NTRK3: variants seen among roughly 807,000 people sequenced by gnomAD.
NTRK3 encodes the protein neurotrophic receptor tyrosine kinase 3.
A neutral mutation model predicts 91.7 loss-of-function variants in NTRK3; 24 were observed. That is an observed-to-expected ratio of 0.26 (90% confidence interval 0.19 to 0.37). NTRK3 has a LOEUF of 0.37. Among genes scored for constraint, NTRK3 ranks in the 10% least tolerant of loss-of-function variants. The pLI is 1.00. For missense variants in NTRK3, 880 were observed against 1,068.9 expected (o/e 0.82, Z 2.46); for synonymous variants, 483 against 404.0 (o/e 1.20, Z -2.34).
intron 17 of NTRK3, among the ~76,000 whole-genome samples, chr15:87,920,324 A>G (rs1880145677): frequency 6.6e-6 from 1 of 152,206 alleles, no homozygotes; most frequent in Admixed American, 6.5e-5. Flanking sequence ...CTTAGCATTT[A>G]AGTTGTTTTT....
intron 13 of NTRK3, among the ~76,000 whole-genome samples, chr15:88,062,461 G>A (rs1257090258): frequency 6.6e-6 from 1 of 152,078 alleles, no homozygotes; most frequent in African/African-American, 2.4e-5. Context: ...GTAATTCCTA[G>A]GAAGTCTCCC....
intron 10 of NTRK3, 60 bp from the exon 11 acceptor site, chr15:88,128,794 T>A: frequency 6.9e-7 from 1 of 1,446,890 alleles, no homozygotes; most frequent in Non-Finnish European, 9.7e-7. Context: ...ACAGACACAC[T>A]ACTTGGTCCT....
At chr15:87,995,122 C>T (rs770058104) in intron 14 of NTRK3, among the ~76,000 whole-genome samples, 3 of 152,176 alleles carry the variant, frequency 2.0e-5, no homozygotes, top group Non-Finnish European at 4.4e-5. Context: ...GAACAAAAGT[C>T]CTGGAAATTC....
At chr15:88,128,658 A>G in intron 11 of NTRK3, 53 bp downstream of exon 11, 1 of 1,582,798 alleles carries the variant, frequency 6.3e-7, no homozygotes, top group Non-Finnish European at 8.7e-7. Context: ...TTCAATAGTT[A>G]CCGATAGTAT....
chr15:88,187,319 G>A (rs956303451), intron 3 of NTRK3, among the ~76,000 whole-genome samples: 8 of 152,100 alleles, frequency 5.3e-5, no homozygotes, highest in South Asian at 4.1e-4. Flanking sequence ...AGCAGGTTCC[G>A]AGGAAGAGCA....
intron 13 of NTRK3, among the ~76,000 whole-genome samples, chr15:88,109,934 C>T (rs1410469854): frequency 6.6e-6 from 1 of 152,164 alleles, no homozygotes; most frequent in Non-Finnish European, 1.5e-5. Context: ...TACTACACAG[C>T]TGGGGACTAA....
chr15:88,117,066 A>G (rs2052176885), intron 13 of NTRK3, among the ~76,000 whole-genome samples: 1 of 152,244 alleles, frequency 6.6e-6, no homozygotes, highest in Non-Finnish European at 1.5e-5. Flanking sequence ...CACCAGAGGA[A>G]GTAAAAAAGA....
intron 13 of NTRK3, among the ~76,000 whole-genome samples, chr15:88,069,817 C>G (rs1201173520): frequency 6.6e-6 from 1 of 152,180 alleles, no homozygotes; most frequent in East Asian, 1.9e-4. Flanking sequence ...GCTGAACTCA[C>G]AGAGGGAAGC....
At chr15:87,998,442 G>C (rs1056363339) in intron 14 of NTRK3, among the ~76,000 whole-genome samples, 1 of 152,220 alleles carries the variant, frequency 6.6e-6, no homozygotes, top group Admixed American at 6.5e-5. Context: ...ATGTGTTATG[G>C]GGCAGTGGCG....
intron 3 of NTRK3, among the ~76,000 whole-genome samples, chr15:88,230,092 T>C (rs976588263): frequency 6.6e-6 from 1 of 152,256 alleles, no homozygotes; most frequent in African/African-American, 2.4e-5. Context: ...CTTGGCCATG[T>C]GACCTCAGTT....
intron 17 of NTRK3, among the ~76,000 whole-genome samples, chr15:87,894,405 G>C (rs1174410160): frequency 6.6e-6 from 1 of 152,202 alleles, no homozygotes; most frequent in African/African-American, 2.4e-5. Flanking sequence ...ATACACTGTG[G>C]GGAGGTGGTT....
intron 14 of NTRK3, among the ~76,000 whole-genome samples, chr15:87,948,642 T>G (rs2070800935): frequency 6.6e-6 from 1 of 152,166 alleles, no homozygotes; most frequent in African/African-American, 2.4e-5. Flanking sequence ...GAGCTGATAT[T>G]GCGCCACTGC....
chr15:87,933,305 G>T, intron 15 of NTRK3, 121 bp from the exon 16 acceptor site: 1 of 933,840 alleles, frequency 1.1e-6, no homozygotes, highest in Non-Finnish European at 1.6e-6. Context: ...AATCTAAATG[G>T]AATTTAAAGA....
At chr15:88,071,842 C>G (rs2047112754) in intron 13 of NTRK3, among the ~76,000 whole-genome samples, 1 of 152,116 alleles carries the variant, frequency 6.6e-6, no homozygotes, top group African/African-American at 2.4e-5. Context: ...GTTTGCTCTT[C>G]TGAGGCCCCA....
At chr15:88,152,126 C>A (rs1212584243) in intron 5 of NTRK3, among the ~76,000 whole-genome samples, 1 of 151,992 alleles carries the variant, frequency 6.6e-6, no homozygotes, top group Non-Finnish European at 1.5e-5. Flanking sequence ...CATGGTGAAA[C>A]CTCATCTCTA....
intron 17 of NTRK3, among the ~76,000 whole-genome samples, chr15:87,918,122 G>T (rs1364595744): frequency 6.6e-6 from 1 of 152,056 alleles, no homozygotes; most frequent in Non-Finnish European, 1.5e-5. Context: ...GATTCTAATG[G>T]CTTCTCTTCC....
rs1555450573 is a variant in NTRK3, at chr15:87,966,074, T to TCAAAAAAA, written c.1586-25322_1586-25321insTTTTTTTG. On this transcript the variant is annotated intron_variant, in intron 14 of 18. Transcript: ENST00000394480. ...GCCTGGATGATAGAGCAAAACTGTCTCAAACAAACAAACAAACAAACAAAC... is the reference window on the plus strand; with the variant it reads ...GCCTGGATGATAGAGCAAAACTGTCTCAAAAAAACAAACAAACAAACAAACAAACAAAC... 1.4e-3 allele frequency among the ~76,000 whole-genome samples: 201 copies of TCAAAAAAA among 148,556 alleles called. 1 individual carries two copies. Among genetic ancestry groups the TCAAAAAAA allele is most frequent in the African/African-American group, 4.7e-3 (182 of 38,724 alleles).
intron 3 of NTRK3, among the ~76,000 whole-genome samples, chr15:88,218,893 AC>A (rs2050015537): frequency 1.3e-5 from 2 of 152,194 alleles, no homozygotes; most frequent in Admixed American, 1.3e-4. Context: ...CTGTTTGTAA[AC>A]CCAGCCAGTA....
In NTRK3 at chr15:87,879,187, G is replaced by T. The variant is rs1285603263; in HGVS notation, c.2292+1083C>A. ...TTAATCAAGTGGTCAAGACATAGGA[G>T]AGCAGAGACAAACATAGCTTCCAAG... is the stretch of plus-strand genomic sequence containing the variant. On this transcript the variant is annotated intron_variant, in intron 18 of 18. Coordinates refer to ENST00000394480, the Ensembl canonical transcript of NTRK3. Among the ~76,000 whole-genome samples, 3 of 152,102 alleles carry T rather than the reference G, an allele frequency of 2.0e-5. No individual in the cohort carries two copies. The East Asian group carries it at 5.8e-4, about 29-fold the overall frequency.
Sources: allele counts gnomAD v4.1 joint callset (sites outside exome capture counted in the v4.1 genomes callset), GRCh38; gene constraint gnomAD v4.1.1; transcripts MANE v1.5; gene names NCBI Gene and HGNC (gene_info 2026-07-23, HGNC 2026-07-21).